The following DLG2 variants were observed in gnomAD, a reference collection of about 807,000 sequenced individuals.
DLG2 encodes the protein discs large MAGUK scaffold protein 2.
In DLG2, 45 loss-of-function variants were observed where a neutral mutation model predicts 132.5. That is an observed-to-expected ratio of 0.34 (90% CI 0.27 to 0.44). The LOEUF (loss-of-function observed/expected upper bound fraction) is 0.44. Among genes scored for constraint, DLG2 ranks in the 20% least tolerant of loss-of-function variants. The pLI is 1.00. For synonymous variants in DLG2, 424 were observed against 419.6 expected, an observed-to-expected ratio of 1.01 and a Z score of -0.13; for missense variants, 1,045 against 1,196.9, an observed-to-expected ratio of 0.87 and a Z score of 1.87.
chr11:83,617,453 A>C (rs2060995976), intron 19 of DLG2, among the ~76,000 whole-genome samples: 1 of 152,214 alleles, frequency 6.6e-6, no homozygotes, highest in Non-Finnish European at 1.5e-5. Flanking sequence ...ATGGAAATAC[A>C]ACTGATTACT....
intron 6 of DLG2, among the ~76,000 whole-genome samples, chr11:84,714,598 T>TC (rs59245096): frequency 2.4e-4 from 26 of 109,256 alleles, no homozygotes; most frequent in African/African-American, 1.1e-3. Flanking sequence ...TTTCTCTTTC[T>TC]TTCTCTTTCT....
chr11:85,396,072 G>A (rs2087329846), intron 3 of DLG2, among the ~76,000 whole-genome samples: 1 of 152,142 alleles, frequency 6.6e-6, no homozygotes, highest in Non-Finnish European at 1.5e-5. Context: ...TCCAGAAGAA[G>A]GATGAGGCAG....
chr11:85,485,620 G>A (rs1441734851), intron 3 of DLG2, among the ~76,000 whole-genome samples: 1 of 152,208 alleles, frequency 6.6e-6, no homozygotes, highest in Non-Finnish European at 1.5e-5. Flanking sequence ...CTGGGAGCCA[G>A]AAAAAGCTCC....
chr11:83,996,239 C>T (rs7929302), intron 11 of DLG2, among the ~76,000 whole-genome samples: 5,609 of 152,224 alleles, frequency 0.037, 305 homozygotes, highest in African/African-American at 0.12. Context: ...CATCATTAAT[C>T]ATCAGAGAAC....
intron 6 of DLG2, among the ~76,000 whole-genome samples, chr11:84,646,116 A>T (rs1414035059): frequency 6.6e-6 from 1 of 152,150 alleles, no homozygotes; most frequent in Non-Finnish European, 1.5e-5. Context: ...GCTCTTAAAA[A>T]TTTTCAAGGT....
At chr11:84,567,036 G>A (rs1166797324) in intron 6 of DLG2, among the ~76,000 whole-genome samples, 1 of 152,166 alleles carries the variant, frequency 6.6e-6, no homozygotes, top group African/African-American at 2.4e-5. Context: ...GGTGAGGGGA[G>A]AGCAGCAGTG....
chr11:84,683,134 G>T (rs1344713446), intron 6 of DLG2, among the ~76,000 whole-genome samples: 1 of 152,148 alleles, frequency 6.6e-6, no homozygotes, highest in Non-Finnish European at 1.5e-5. Flanking sequence ...GGGCATTTCT[G>T]GAAGAAGGAA....
At chr11:83,904,299 T>C (rs944242487) in intron 15 of DLG2, among the ~76,000 whole-genome samples, 1 of 152,160 alleles carries the variant, frequency 6.6e-6, no homozygotes, top group Non-Finnish European at 1.5e-5. Flanking sequence ...TTTTAGACCA[T>C]GATTGATATG....
intron 6 of DLG2, among the ~76,000 whole-genome samples, chr11:84,716,447 T>C (rs1372848179): frequency 3.3e-5 from 5 of 152,144 alleles, no homozygotes; most frequent in Middle Eastern, 3.4e-3. Flanking sequence ...ACATGGACTG[T>C]GGACCTTTGC....
chr11:84,301,532 G>A (rs201948370), intron 7 of DLG2, among the ~76,000 whole-genome samples: 5 of 151,424 alleles, frequency 3.3e-5, no homozygotes, highest in East Asian at 3.9e-4. Flanking sequence ...TGGTGGCGGC[G>A]CCTATAGTCC....
chr11:85,188,921 C>T (rs867906830), intron 4 of DLG2, among the ~76,000 whole-genome samples: 1 of 152,188 alleles, frequency 6.6e-6, no homozygotes, highest in Middle Eastern at 3.4e-3. Flanking sequence ...CACTGGGAAA[C>T]AGACAGTAAA....
intron 8 of DLG2, among the ~76,000 whole-genome samples, chr11:84,195,356 G>C (rs959830845): frequency 6.6e-6 from 1 of 152,050 alleles, no homozygotes; most frequent in East Asian, 1.9e-4. Context: ...GTAGAGACGG[G>C]GTTTCACCCA....
At chr11:83,565,656 G>A (rs547393825) in intron 19 of DLG2, among the ~76,000 whole-genome samples, 173 of 152,280 alleles carry the variant, frequency 1.1e-3, no homozygotes, top group Middle Eastern at 0.01. Flanking sequence ...AGGGCCATCA[G>A]AGATTTCAAT....
At chr11:84,024,951 AGCTT>A (rs1373958254) in intron 11 of DLG2, among the ~76,000 whole-genome samples, 1 of 152,146 alleles carries the variant, frequency 6.6e-6, no homozygotes, top group East Asian at 1.9e-4. Context: ...TATATTAACT[AGCTT>A]AATTGTTCCA....
intron 6 of DLG2, among the ~76,000 whole-genome samples, chr11:84,653,894 G>A (rs921906119): frequency 1.3e-5 from 2 of 152,028 alleles, no homozygotes; most frequent in Admixed American, 1.3e-4. Context: ...AGAGGCATTT[G>A]GCATCTCCAT....
At chr11:83,723,463 G>C (rs2089229079) in intron 18 of DLG2, among the ~76,000 whole-genome samples, 2 of 152,212 alleles carry the variant, frequency 1.3e-5, no homozygotes, top group African/African-American at 4.8e-5. Flanking sequence ...CAACTGCCTA[G>C]CTCCATAGTC....
intron 9 of DLG2, among the ~76,000 whole-genome samples, chr11:84,115,551 C>G (rs144813146): frequency 6.6e-6 from 1 of 152,210 alleles, no homozygotes; most frequent in African/African-American, 2.4e-5. Flanking sequence ...TATCCTTCTT[C>G]TCCCTTACTA....
At chr11:84,904,534 G>A (rs879299478) in intron 6 of DLG2, among the ~76,000 whole-genome samples, 9 of 151,982 alleles carry the variant, frequency 5.9e-5, no homozygotes, top group African/African-American at 1.9e-4. Flanking sequence ...ACACATTGCC[G>A]TTCGCTACTT....
chr11:84,081,951 C>G (rs2096910651), intron 10 of DLG2, among the ~76,000 whole-genome samples: 1 of 152,276 alleles, frequency 6.6e-6, no homozygotes, highest in East Asian at 1.9e-4. Context: ...TATGTAAAAG[C>G]TTTCCTATTT....
Sources: gnomAD v4.1 joint callset for allele counts (sites outside exome capture counted in the v4.1 genomes callset) on GRCh38, gnomAD v4.1.1 for gene constraint, MANE v1.5 for transcripts, NCBI Gene and HGNC (gene_info 2026-07-23, HGNC 2026-07-21) for gene names.